Variants in HINT1 observed in about 807,000 individuals in gnomAD.
HINT1 encodes histidine triad nucleotide binding protein 1.
A neutral mutation model predicts 11.2 loss-of-function variants in HINT1; 12 were observed. That is an observed-to-expected ratio of 1.07 (90% confidence interval 0.69 to 1.74). The LOEUF (loss-of-function observed/expected upper bound fraction) is 1.74, where lower values mean the gene tolerates loss of function less well. Among genes scored for constraint, HINT1 ranks in the 40% most tolerant of loss-of-function variants. HINT1 has a pLI of 0.00. For missense variants in HINT1, 150 were observed against 161.8 expected (o/e 0.93, Z 0.40); for synonymous variants, 42 against 52.6 (o/e 0.80, Z 0.87).
At chr5:131,160,152 CA>C (rs929000814) in intron 2 of HINT1, among the ~76,000 whole-genome samples, 16 of 147,036 alleles carry the variant, frequency 1.1e-4, no homozygotes, top group African/African-American at 3.2e-4. Flanking sequence ...TATGCCCAAC[CA>C]AAAAAAAAAC....
chr5:131,165,221 G>A lies in HINT1; in HGVS notation c.-16C>T, dbSNP rs780065785. Reference sequence around the variant, plus strand: ...CATCTGCCATCTCGGCCTCTCTCCCGCGCGGCGGCCAGAGGAGAGGCTCGG... The same window carrying A: ...CATCTGCCATCTCGGCCTCTCTCCCACGCGGCGGCCAGAGGAGAGGCTCGG... On this transcript the variant is annotated 5_prime_UTR_variant, in exon 1 of 3. Coordinates refer to ENST00000304043, the MANE Select transcript of HINT1 (RefSeq NM_005340.7). 6.2e-7 allele frequency: 1 copy of A among 1,602,302 alleles called. No homozygotes were observed. The highest frequency in any genetic ancestry group is 2.2e-5 in the East Asian group (1 of 44,856).
chr5:131,162,242 G>T (rs2149652835), intron 2 of HINT1: 1 of 595,172 alleles, frequency 1.7e-6, no homozygotes, highest in African/African-American at 1.9e-5. Flanking sequence ...AGAATGGTGT[G>T]AACCAGGGAG....
At chr5:131,160,864 G>A in intron 2 of HINT1, 1 of 458,022 alleles carries the variant, frequency 2.2e-6, no homozygotes, top group Non-Finnish European at 4.4e-6. Context: ...AATAGGCTCT[G>A]TATTAGATGA....
Position 131,159,187 on chromosome 5 carries a change from G to T in HINT1, c.*260C>A. On this transcript the variant is annotated 3_prime_UTR_variant, in exon 3 of 3. Transcript: ENST00000304043. Reference sequence around the variant, plus strand: ...ATGTTCATATGTTGAGTCCTCCTTGGGAAGAAAAAGCAAGAAACATCCAAA... The same window carrying T: ...ATGTTCATATGTTGAGTCCTCCTTGTGAAGAAAAAGCAAGAAACATCCAAA... 3.1e-6 allele frequency: 1 copy of T among 327,034 alleles called. No homozygotes were observed. Among genetic ancestry groups the T allele is most frequent in the Admixed American group, 4.3e-5 (1 of 23,212 alleles). The allele number at this position is 327,034 out of a possible 1,614,324, so 20.3% of individuals were successfully genotyped here. A position where few individuals can be genotyped will look rare whatever the true frequency, so the allele number is the denominator to read the frequency against.
intron 1 of HINT1, among the ~76,000 whole-genome samples, chr5:131,164,354 C>A (rs1399224262): frequency 1.3e-5 from 2 of 152,218 alleles, no homozygotes; most frequent in Non-Finnish European, 2.9e-5. Flanking sequence ...AAAATTACTT[C>A]CTGTTGAATA....
chr5:131,160,952 AG>A (rs1414915885), intron 2 of HINT1: 1 of 390,576 alleles, frequency 2.6e-6, no homozygotes, highest in Non-Finnish European at 5.2e-6. Flanking sequence ...ATGTTCAGTA[AG>A]TTAGGTGTCT....
chr5:131,161,567 C>T (rs889440061), intron 2 of HINT1, among the ~76,000 whole-genome samples: 1 of 150,308 alleles, frequency 6.7e-6, no homozygotes, highest in African/African-American at 2.5e-5. Flanking sequence ...TGCACTCCAG[C>T]CTGGGCAACA....
At chr5:131,163,883 C>G (rs149961095) in intron 1 of HINT1, among the ~76,000 whole-genome samples, 1 of 152,308 alleles carries the variant, frequency 6.6e-6, no homozygotes, top group Non-Finnish European at 1.5e-5. Context: ...ACTGGGTACT[C>G]CCTACAAAAT....
chr5:131,164,999 T>A lies in HINT1; in HGVS notation c.111+96A>T, dbSNP rs1755359071. On this transcript the variant is annotated intron_variant, in intron 1 of 2. Coordinates refer to ENST00000304043, the MANE Select transcript of HINT1 (RefSeq NM_005340.7). ...CAGCCAGGTCCCCTCCCGTCGCCGC[T>A]ACACTCGCGACCCCTCCTCTCCCTC... 3 of 1,556,334 alleles carry A rather than the reference T, an allele frequency of 1.9e-6. No individual in the cohort carries two copies. The Admixed American group carries it at 5.6e-5, about 29-fold the overall frequency.
rs368167215 is a variant in HINT1 at position 131,162,640 on chromosome 5, T to C, written c.148A>G (p.Thr50Ala). Residue 50 changes from threonine to alanine, a missense_variant, in exon 2 of 3, where the codon ACA becomes GCA. Physicochemically the swap from Thr to Ala is moderately conservative, Grantham distance 58 (BLOSUM62 0). Coordinates refer to ENST00000304043, the MANE Select transcript of HINT1 (RefSeq NM_005340.7). Reference protein sequence around the residue: ...AFHDISPQAPTHFLVIPKKHI... With the variant: ...AFHDISPQAPAHFLVIPKKHI... ...TTCTTGGGTATCACCAGAAAATGTG[T>C]TGGTGCTTGAGGGGAAATGTCATGG... 6.2e-6 allele frequency: 10 copies of C among 1,612,876 alleles called. No homozygotes were observed. The highest frequency in any genetic ancestry group is 8.5e-6 in the Non-Finnish European group (10 of 1,179,222).
At chr5:131,161,477 G>A (rs1456114295) in intron 2 of HINT1, among the ~76,000 whole-genome samples, 6 of 151,680 alleles carry the variant, frequency 4.0e-5, no homozygotes, top group Non-Finnish European at 8.8e-5. Context: ...TGGCATGCCT[G>A]TAATCCCAGC....
Position 131,159,475 on chromosome 5 carries a change from C to A in HINT1, c.353G>T (p.Gly118Val). ...VYHVHLHVLG[G>V]RQMHWPPG is the part of the protein sequence containing the mutation. The stretch of plus-strand genomic sequence containing the variant: ...ACCAGGAGGCCAATGCATTTGCCGA[C>A]CTCCAAGAACATGGAGATGAACGTG... The change falls in exon 3 of 3, where the codon GGT becomes GTT. Residue 118 changes from glycine (G) to valine (V), a missense_variant. Gly to Val is a moderately radical substitution (Grantham distance 109). Transcript: ENST00000304043. 1 of 1,612,726 alleles carries A rather than the reference C, an allele frequency of 6.2e-7. No homozygotes were observed. Among genetic ancestry groups the A allele is most frequent in the Non-Finnish European group, 8.5e-7 (1 of 1,179,880 alleles).
At chr5:131,164,990 C>T in intron 1 of HINT1, 105 bp downstream of exon 1, 1 of 1,513,224 alleles carries the variant, frequency 6.6e-7, no homozygotes, top group Non-Finnish European at 8.9e-7. Context: ...GGTCCCCTCC[C>T]GTCGCCGCTA....
intron 1 of HINT1, among the ~76,000 whole-genome samples, chr5:131,164,681 G>A (rs949580284): frequency 5.9e-5 from 9 of 152,206 alleles, no homozygotes; most frequent in African/African-American, 1.9e-4. Flanking sequence ...GCGGAGATTG[G>A]GCCTGAGTCA....
At chr5:131,162,325 A>G (rs1755274141) in intron 2 of HINT1, 1 of 771,952 alleles carries the variant, frequency 1.3e-6, no homozygotes, top group East Asian at 2.7e-5. Flanking sequence ...TCTCAAAAAA[A>G]AAAAAAAAAG....
chr5:131,162,513 C>CA lies in HINT1; in HGVS notation c.216+58dup, dbSNP rs752345537. On this transcript the variant is annotated intron_variant, in intron 2 of 2. Transcript: ENST00000304043. ...TGAAAATGTGACAGCACTTTAAGGA[C>CA]AAAATTAATCTCACAATTTAAAAAG... The CA allele has an allele frequency of 4.4e-5, 70 of 1,606,512 alleles. 1 individual carries two copies. In the South Asian group the frequency reaches 7.5e-4, roughly 17 times the overall value.
chr5:131,162,748 G>A, intron 1 of HINT1, 72 bp from the exon 2 acceptor site: 1 of 970,976 alleles, frequency 1.0e-6, no homozygotes, highest in Non-Finnish European at 1.6e-6. Flanking sequence ...ATTTCAACAA[G>A]TATTTACTGA....
intron 2 of HINT1, chr5:131,162,112 T>A: frequency 3.1e-6 from 1 of 327,560 alleles, no homozygotes; most frequent in Non-Finnish European, 5.5e-6. Context: ...GATCACGAGG[T>A]CAGGAAATCG....
Position 131,159,550 on chromosome 5 carries a change from C to T in HINT1, c.278G>A (p.Gly93Asp), listed in dbSNP as rs397514493. ...ACCTTCATTCACCACCATTCGATAA[C>T]CCTTATTCAGGCCCAGATCAGCAGC... ...KCAADLGLNKGYRMVVNEGSD... is the reference protein window; with the variant it reads ...KCAADLGLNKDYRMVVNEGSD... Residue 93 changes from glycine (G) to aspartate (D), a missense_variant, in exon 3 of 3, where the codon GGT (glycine) becomes GAT (aspartate). Gly to Asp is a moderately conservative substitution (Grantham distance 94). Transcript: ENST00000304043. 6.8e-6 allele frequency: 11 copies of T among 1,613,686 alleles called. No individual in the cohort carries two copies. The East Asian group carries it at 1.3e-4, about 20-fold the overall frequency.
Sources: gnomAD v4.1 joint callset for allele counts (sites outside exome capture counted in the v4.1 genomes callset) on GRCh38, gnomAD v4.1.1 for gene constraint, MANE v1.5 for transcripts, NCBI Gene and HGNC (gene_info 2026-07-23, HGNC 2026-07-21) for gene names.